PHACTR1: variants seen among roughly 807,000 people sequenced by gnomAD.
The protein encoded by PHACTR1 is RPEL repeat containing 1.
Under a neutral mutation model 69.2 loss-of-function variants are expected in PHACTR1, and 16 were observed. The ratio of observed to expected loss-of-function variants is 0.23; its 90% CI spans 0.16 to 0.35. The LOEUF is 0.35. Among genes scored for constraint, PHACTR1 ranks in the 10% least tolerant of loss-of-function variants. The pLI is 1.00. For synonymous variants in PHACTR1, 312 were observed against 284.5 expected (o/e 1.10, Z -0.97); for missense variants, 510 against 734.7 (o/e 0.69, Z 3.54).
chr6:12,872,646 C>G (rs1782152616), intron 4 of PHACTR1, among the ~76,000 whole-genome samples: 1 of 152,176 alleles, frequency 6.6e-6, no homozygotes, highest in African/African-American at 2.4e-5. Flanking sequence ...CAATTGTGAG[C>G]CTGGTTCCTT....
At chr6:13,164,970 GC>G (rs1759579051) in intron 6 of PHACTR1, among the ~76,000 whole-genome samples, 1 of 151,666 alleles carries the variant, frequency 6.6e-6, no homozygotes, top group Admixed American at 6.6e-5. Flanking sequence ...TTTATTATTG[GC>G]TTCCATATTG....
intron 4 of PHACTR1, among the ~76,000 whole-genome samples, chr6:12,877,127 A>G (rs1293621513): frequency 3.9e-5 from 6 of 152,228 alleles, no homozygotes; most frequent in Non-Finnish European, 7.3e-5. Flanking sequence ...AGACACATGT[A>G]GAAACGGTGT....
At chr6:13,155,893 A>G (rs1758103923) in intron 5 of PHACTR1, among the ~76,000 whole-genome samples, 1 of 152,082 alleles carries the variant, frequency 6.6e-6, no homozygotes. Flanking sequence ...CTCTCAAAAA[A>G]AAAAAACCTG....
intron 3 of PHACTR1, among the ~76,000 whole-genome samples, chr6:12,739,201 T>C (rs1764712171): frequency 6.6e-6 from 1 of 152,218 alleles, no homozygotes; most frequent in African/African-American, 2.4e-5. Context: ...TGCCTTCATA[T>C]ACTTCCAACT....
At chr6:12,773,903 G>C (rs370101856) in intron 4 of PHACTR1, among the ~76,000 whole-genome samples, 1 of 151,880 alleles carries the variant, frequency 6.6e-6, no homozygotes, top group Non-Finnish European at 1.5e-5. Context: ...GGATTGATTG[G>C]TTCATCAATT....
intron 4 of PHACTR1, among the ~76,000 whole-genome samples, chr6:12,772,535 C>G (rs1236367577): frequency 6.6e-6 from 1 of 152,138 alleles, no homozygotes; most frequent in Non-Finnish European, 1.5e-5. Flanking sequence ...TTTGTGCCTA[C>G]TTTACTCTGC....
At chr6:12,779,053 C>T (rs568452216) in intron 4 of PHACTR1, among the ~76,000 whole-genome samples, 9 of 152,130 alleles carry the variant, frequency 5.9e-5, no homozygotes, top group Admixed American at 3.3e-4. Flanking sequence ...GTCAGAGAAG[C>T]GGCCGGGCAC....
intron 4 of PHACTR1, among the ~76,000 whole-genome samples, chr6:12,782,471 A>G (rs548952106): frequency 1.3e-5 from 2 of 152,316 alleles, no homozygotes; most frequent in South Asian, 2.1e-4. Flanking sequence ...TCATGTTTGC[A>G]TATAGATATG....
chr6:13,223,384 G>A (rs1768999811), intron 8 of PHACTR1, among the ~76,000 whole-genome samples: 1 of 152,124 alleles, frequency 6.6e-6, no homozygotes, highest in Non-Finnish European at 1.5e-5. Flanking sequence ...AAGGTGAATC[G>A]GTGAATAGAT....
chr6:13,251,145 C>T (rs1326505286), intron 10 of PHACTR1, among the ~76,000 whole-genome samples: 1 of 152,212 alleles, frequency 6.6e-6, no homozygotes, highest in African/African-American at 2.4e-5. Flanking sequence ...CTGTGTGTCC[C>T]TGTCTGCTGT....
chr6:12,906,698 T>C (rs1785767642), intron 4 of PHACTR1, among the ~76,000 whole-genome samples: 1 of 152,228 alleles, frequency 6.6e-6, no homozygotes, highest in Non-Finnish European at 1.5e-5. Context: ...GTCTTCGTTT[T>C]CTAGCAGGAT....
At chr6:13,116,445 G>A (rs1817834259) in intron 5 of PHACTR1, among the ~76,000 whole-genome samples, 1 of 152,170 alleles carries the variant, frequency 6.6e-6, no homozygotes, top group South Asian at 2.1e-4. Context: ...CATTTGTTGA[G>A]CACTTACCAT....
At chr6:12,891,119 AT>A (rs1050107925) in intron 4 of PHACTR1, among the ~76,000 whole-genome samples, 1 of 151,946 alleles carries the variant, frequency 6.6e-6, no homozygotes, top group African/African-American at 2.4e-5. Flanking sequence ...TGAAAGTTAA[AT>A]TTTTTTTCTC....
At chr6:12,834,505 A>ATAAC (rs1379667296) in intron 4 of PHACTR1, among the ~76,000 whole-genome samples, 1 of 152,154 alleles carries the variant, frequency 6.6e-6, no homozygotes, top group African/African-American at 2.4e-5. Flanking sequence ...GTATCAGCAC[A>ATAAC]TAACTTACAT....
At chr6:12,792,464 C>CAAAAAAAAAA (rs60942588) in intron 4 of PHACTR1, among the ~76,000 whole-genome samples, 110 of 31,384 alleles carry the variant, frequency 3.5e-3, no homozygotes, top group East Asian at 7.4e-3. Flanking sequence ...AACTCCATGT[C>CAAAAAAAAAA]AAAAAAAAAA....
intron 4 of PHACTR1, among the ~76,000 whole-genome samples, chr6:12,916,985 A>C (rs1051329391): frequency 3.9e-5 from 6 of 152,184 alleles, no homozygotes; most frequent in Non-Finnish European, 7.3e-5. Context: ...ACTCATGCTC[A>C]CTCAGAAATC....
At chr6:13,269,834 C>CA (rs999754692) in intron 10 of PHACTR1, among the ~76,000 whole-genome samples, 1 of 151,938 alleles carries the variant, frequency 6.6e-6, no homozygotes, top group Non-Finnish European at 1.5e-5. Flanking sequence ...AACTCTGTCT[C>CA]AAAAAAAGAA....
chr6:12,981,107 A>G (rs149968254), intron 4 of PHACTR1, among the ~76,000 whole-genome samples: 481 of 152,358 alleles, frequency 3.2e-3, no homozygotes, highest in African/African-American at 0.011. Flanking sequence ...TTCCTGCAAC[A>G]TTGCATTTAA....
intron 4 of PHACTR1, among the ~76,000 whole-genome samples, chr6:12,952,842 G>A (rs1420075968): frequency 5.3e-5 from 8 of 152,158 alleles, no homozygotes; most frequent in Non-Finnish European, 4.4e-5. Context: ...ATAAATGAGG[G>A]TTCCTTCCTG....
Sources: allele counts gnomAD v4.1 joint callset (sites outside exome capture counted in the v4.1 genomes callset), GRCh38; gene constraint gnomAD v4.1.1; transcripts MANE v1.5; gene names NCBI Gene and HGNC (gene_info 2026-07-23, HGNC 2026-07-21).